Variants in FARS2 observed in about 807,000 individuals in gnomAD.
FARS2 encodes phenylalanyl-tRNA synthetase 2, mitochondrial.
A neutral mutation model predicts 46.4 loss-of-function variants in FARS2; 40 were observed. The ratio of observed to expected loss-of-function variants is 0.86; its 90% CI spans 0.67 to 1.12. The LOEUF (loss-of-function observed/expected upper bound fraction) is 1.12. Among genes scored for constraint, FARS2 ranks in the 50% most tolerant of loss-of-function variants. The pLI is 0.00. For synonymous variants in FARS2, 234 were observed against 214.9 expected (o/e 1.09, Z -0.78); for missense variants, 513 against 567.9 (o/e 0.90, Z 0.98).
At chr6:5,539,661 G>T (rs977008979) in intron 4 of FARS2, among the ~76,000 whole-genome samples, 1 of 152,042 alleles carries the variant, frequency 6.6e-6, no homozygotes, top group African/African-American at 2.4e-5. Context: ...TATCTTTTCA[G>T]TGAATTCTTG....
intron 6 of FARS2, among the ~76,000 whole-genome samples, chr6:5,741,989 A>G (rs1761374628): frequency 6.6e-6 from 1 of 152,218 alleles, no homozygotes; most frequent in Non-Finnish European, 1.5e-5. Context: ...CTGTGTCAAC[A>G]GGCTCCTGGG....
At position 5,752,561 on chromosome 6, in the gene FARS2, A is replaced by G. The variant is rs547291902; in HGVS notation, c.1218-18730A>G. ...GTCTCCCAGCCCCTGATTCACTTGT[A>G]TGCTAACAGCAAGGATCACTGCCAG... On this transcript the variant is annotated intron_variant, in intron 6 of 6. Transcript: ENST00000274680. Among the ~76,000 whole-genome samples the G allele has an allele frequency of 6.7e-4, 102 of 152,336 alleles. No individual in the cohort carries two copies. In the Middle Eastern group the frequency reaches 0.01, roughly 15 times the overall value.
At chr6:5,603,390 A>G (rs577944514) in intron 5 of FARS2, among the ~76,000 whole-genome samples, 1 of 152,346 alleles carries the variant, frequency 6.6e-6, no homozygotes, top group East Asian at 1.9e-4. Context: ...GCTCCCACCC[A>G]TCACAAAAGG....
intron 4 of FARS2, among the ~76,000 whole-genome samples, chr6:5,432,323 A>G (rs867318149): frequency 5.0e-5 from 2 of 39,834 alleles, no homozygotes; most frequent in Admixed American, 3.3e-4. Context: ...TTAAAAAAAA[A>G]AAAAATATAT....
the FARS2 span, among the ~76,000 whole-genome samples, chr6:5,252,097 C>G: frequency 6.6e-6 from 1 of 152,172 alleles, no homozygotes; most frequent in Admixed American, 6.5e-5. Flanking sequence ...TTGATCAGGA[C>G]TTAGGAATTT....
intron 4 of FARS2, among the ~76,000 whole-genome samples, chr6:5,462,054 A>G (rs1299308843): frequency 6.6e-6 from 1 of 152,216 alleles, no homozygotes; most frequent in Non-Finnish European, 1.5e-5. Context: ...GTTTCTCTAC[A>G]TCTTCACCAA....
chr6:5,664,612 A>G lies in FARS2; in HGVS notation c.1217+51292A>G, dbSNP rs192436844. Among the ~76,000 whole-genome samples the G allele has an allele frequency of 3.0e-3, 453 of 152,348 alleles. 1 individual carries two copies. The highest frequency in any genetic ancestry group is 9.4e-3 in the African/African-American group (392 of 41,582). Reference sequence around the variant, plus strand: ...ACAAAATATCCTATAATCTATGACTATAAGTTCTTAGAATAAGAAGTGGAC... The same window carrying G: ...ACAAAATATCCTATAATCTATGACTGTAAGTTCTTAGAATAAGAAGTGGAC... On this transcript the variant is annotated intron_variant, in intron 6 of 6. Transcript: ENST00000274680.
chr6:5,750,655 C>T (rs1761893730), intron 6 of FARS2, among the ~76,000 whole-genome samples: 1 of 152,004 alleles, frequency 6.6e-6, no homozygotes, highest in African/African-American at 2.4e-5. Context: ...TGCAGCTCGC[C>T]ATGGTAGGGT....
At chr6:5,496,332 C>G (rs933504344) in intron 4 of FARS2, among the ~76,000 whole-genome samples, 1 of 152,004 alleles carries the variant, frequency 6.6e-6, no homozygotes, top group Non-Finnish European at 1.5e-5. Context: ...TAAAATGAAG[C>G]CTTACAAGGT....
intron 6 of FARS2, among the ~76,000 whole-genome samples, chr6:5,718,144 C>A (rs1336630291): frequency 6.6e-6 from 1 of 152,094 alleles, no homozygotes; most frequent in Admixed American, 6.6e-5. Flanking sequence ...GAACTCCTGA[C>A]CTCAAGAGAT....
chr6:5,266,392 G>C (rs1275419603), intron 1 of FARS2, among the ~76,000 whole-genome samples: 1 of 152,148 alleles, frequency 6.6e-6, no homozygotes, highest in Non-Finnish European at 1.5e-5. Context: ...CTGCCCAGGT[G>C]TGGTGGCTCA....
At chr6:5,770,404 C>T (rs112226712) in intron 6 of FARS2, among the ~76,000 whole-genome samples, 28 of 96,336 alleles carry the variant, frequency 2.9e-4, no homozygotes, top group East Asian at 2.0e-3. Context: ...GTTGTTGTTG[C>T]TGCTGCTGCT....
chr6:5,305,095 T>A (rs560567299), intron 1 of FARS2, among the ~76,000 whole-genome samples: 1 of 152,318 alleles, frequency 6.6e-6, no homozygotes, highest in South Asian at 2.1e-4. Flanking sequence ...GGGTGCTGAA[T>A]GGAGTGCTTG....
intron 5 of FARS2, among the ~76,000 whole-genome samples, chr6:5,575,446 AGAGCAAATGG>A (rs1772906421): frequency 6.6e-6 from 1 of 152,228 alleles, no homozygotes; most frequent in East Asian, 1.9e-4. Flanking sequence ...CCAATATTTG[AGAGCAAATGG>A]GAGACACATA....
chr6:5,615,524 C>T (rs979904032), intron 6 of FARS2, among the ~76,000 whole-genome samples: 2 of 152,192 alleles, frequency 1.3e-5, no homozygotes, highest in Non-Finnish European at 2.9e-5. Context: ...AGAGAAATTG[C>T]TTCACTACAT....
intron 5 of FARS2, among the ~76,000 whole-genome samples, chr6:5,555,456 A>G (rs1048899084): frequency 5.9e-5 from 9 of 152,086 alleles, no homozygotes; most frequent in Non-Finnish European, 2.9e-5. Context: ...TTAATTCTCT[A>G]AGTCCTTCCA....
chr6:5,757,321 A>T (rs1762257330), intron 6 of FARS2, among the ~76,000 whole-genome samples: 1 of 152,170 alleles, frequency 6.6e-6, no homozygotes, highest in Non-Finnish European at 1.5e-5. Flanking sequence ...CAAGTTGCTG[A>T]CAATGCTTCA....
upstream of FARS2, chr6:5,260,670 G>C: frequency 1.3e-6 from 2 of 1,512,354 alleles, no homozygotes; most frequent in Non-Finnish European, 8.9e-7. Flanking sequence ...GCGCTGAAAC[G>C]CTTGCTCTCT....
At chr6:5,766,557 A>G (rs568601071) in intron 6 of FARS2, among the ~76,000 whole-genome samples, 1 of 152,372 alleles carries the variant, frequency 6.6e-6, no homozygotes, top group South Asian at 2.1e-4. Flanking sequence ...ACTCTTCTCC[A>G]TAACTTGCAA....
Sources: allele counts gnomAD v4.1 joint callset (sites outside exome capture counted in the v4.1 genomes callset), GRCh38; gene constraint gnomAD v4.1.1; transcripts MANE v1.5; gene names NCBI Gene and HGNC (gene_info 2026-07-23, HGNC 2026-07-21).